Variants in TTLL5 observed in about 807,000 individuals in gnomAD.
TTLL5 encodes tubulin tyrosine ligase like 5.
In TTLL5, 132 loss-of-function variants were observed where a neutral mutation model predicts 168.4. The observed-to-expected ratio is 0.78, with a 90% CI of 0.68 to 0.91. TTLL5 has a LOEUF of 0.91. Ranked by LOEUF, TTLL5 falls within the 40% of genes least tolerant of loss-of-function variation. The pLI is 0.00. For synonymous variants in TTLL5, 546 were observed against 558.6 expected (o/e 0.98, Z 0.32); for missense variants, 1,545 against 1,581.5 (o/e 0.98, Z 0.39).
intron 29 of TTLL5, among the ~76,000 whole-genome samples, chr14:75,869,160 C>T (rs1295362245): frequency 4.0e-5 from 6 of 151,628 alleles, no homozygotes; most frequent in Non-Finnish European, 5.9e-5. Context: ...ATTTTATTTT[C>T]CCACTTGACT....
At chr14:75,819,458 A>G (rs1307963435) in intron 27 of TTLL5, among the ~76,000 whole-genome samples, 2 of 152,162 alleles carry the variant, frequency 1.3e-5, no homozygotes, top group Non-Finnish European at 2.9e-5. Flanking sequence ...TATAATTTAC[A>G]TTTACCAGTA....
chr14:75,942,044 G>A (rs2034624860), intron 31 of TTLL5, among the ~76,000 whole-genome samples: 1 of 151,780 alleles, frequency 6.6e-6, no homozygotes, highest in Admixed American at 6.6e-5. Context: ...AGCCAGGTGT[G>A]TGGTGGCTGG....
intron 24 of TTLL5, among the ~76,000 whole-genome samples, chr14:75,780,499 A>G (rs1047695329): frequency 3.9e-5 from 6 of 152,214 alleles, no homozygotes; most frequent in African/African-American, 1.4e-4. Context: ...TGTTACAAAC[A>G]AAGCTCTGTG....
chr14:75,941,977 C>G (rs1183761895), intron 31 of TTLL5, among the ~76,000 whole-genome samples: 1 of 149,560 alleles, frequency 6.7e-6, no homozygotes, highest in Non-Finnish European at 1.5e-5. Flanking sequence ...GTCAGGAGAT[C>G]AAGACCATCC....
At position 75,833,715 on chromosome 14, in the gene TTLL5, A is replaced by G. The variant is rs77501290; in HGVS notation, c.3326+13554A>G. 2.2e-3 allele frequency among the ~76,000 whole-genome samples: 339 copies of G among 152,338 alleles called. 1 individual carries two copies. The highest frequency in any genetic ancestry group is 7.9e-3 in the African/African-American group (328 of 41,572). ...AGTGGGAATCCATGTAAACATTTCT[A>G]TGTCATCTACCCTTACCCATACCCA... On this transcript the variant is annotated intron_variant, in intron 28 of 31. Coordinates refer to ENST00000298832, the MANE Select transcript of TTLL5 (RefSeq NM_015072.5).
chr14:75,699,638 C>G (rs947335815), intron 7 of TTLL5, among the ~76,000 whole-genome samples: 2 of 152,220 alleles, frequency 1.3e-5, no homozygotes, highest in Non-Finnish European at 2.9e-5. Context: ...ACTGTGGGTT[C>G]TGTTCTCAAG....
At chr14:75,860,780 A>G (rs1240084782) in intron 28 of TTLL5, among the ~76,000 whole-genome samples, 1 of 152,116 alleles carries the variant, frequency 6.6e-6, no homozygotes, top group East Asian at 1.9e-4. Context: ...TAGCTGAGCC[A>G]GTAGCTGTTG....
rs944699803 is a variant in TTLL5 at position 75,783,326 on chromosome 14, A to G, written c.2782A>G (p.Met928Val). ...TCAAATTCCTTCAGCTATCCCCAGC[A>G]TGCCTCACCAGCCAACAATTTTACT... ...LSQIPSAIPS[M>V]PHQPTILLNT... The change falls in exon 26 of 32, where the codon ATG (methionine) becomes GTG (valine). Residue 928 changes from methionine (M) to valine (V), a missense_variant. By Grantham distance (21) the Met-to-Val change is conservative. Coordinates refer to ENST00000298832, the MANE Select transcript of TTLL5 (RefSeq NM_015072.5). 6 of 1,614,060 alleles carry G rather than the reference A, an allele frequency of 3.7e-6. No homozygotes were observed. Among genetic ancestry groups the G allele is most frequent in the South Asian group, 1.1e-5 (1 of 91,076 alleles).
At chr14:75,860,008 C>G (rs1897321223) in intron 28 of TTLL5, among the ~76,000 whole-genome samples, 1 of 152,212 alleles carries the variant, frequency 6.6e-6, no homozygotes, top group Non-Finnish European at 1.5e-5. Context: ...GTAAAAATGC[C>G]TGCCTCTTTG....
intron 6 of TTLL5, among the ~76,000 whole-genome samples, chr14:75,691,058 AT>A (rs1428796458): frequency 6.6e-6 from 1 of 152,178 alleles, no homozygotes; most frequent in African/African-American, 2.4e-5. Flanking sequence ...GGGTAGAGAT[AT>A]CGCATATCTT....
At position 75,782,601 on chromosome 14, in the gene TTLL5, T is replaced by G. The variant is rs200361318; in HGVS notation, c.2602+28T>G. ...GAGTGATTTCAAACCTACCTAGATTTGCTGCTCTCTGATAATTTCCTAAAA... is the reference window on the plus strand; with the variant it reads ...GAGTGATTTCAAACCTACCTAGATTGGCTGCTCTCTGATAATTTCCTAAAA... On this transcript the variant is annotated intron_variant, in intron 25 of 31. Coordinates refer to ENST00000298832, the MANE Select transcript of TTLL5 (RefSeq NM_015072.5). 9 of 1,572,630 alleles carry G rather than the reference T, an allele frequency of 5.7e-6. No individual in the cohort carries two copies. The East Asian group carries it at 1.8e-4, about 31-fold the overall frequency.
chr14:75,918,190 A>ATCATTGG (rs2033687097), intron 31 of TTLL5, among the ~76,000 whole-genome samples: 1 of 152,176 alleles, frequency 6.6e-6, no homozygotes, highest in Admixed American at 6.5e-5. Context: ...AGTTCTAACT[A>ATCATTGG]CCATATCATT....
chr14:75,853,041 G>A (rs192874367), intron 28 of TTLL5, among the ~76,000 whole-genome samples: 12 of 152,252 alleles, frequency 7.9e-5, no homozygotes, highest in African/African-American at 2.2e-4. Context: ...TCTTTACAGA[G>A]CCTCCACTGT....
chr14:75,933,212 C>T (rs925113599), intron 31 of TTLL5, among the ~76,000 whole-genome samples: 5 of 152,186 alleles, frequency 3.3e-5, no homozygotes, highest in South Asian at 4.1e-4. Context: ...AATCCCAGCA[C>T]TTGGGAGGCC....
chr14:75,914,033 A>AAAAAATATATATATATATATATAT, intron 31 of TTLL5, among the ~76,000 whole-genome samples: 7 of 71,088 alleles, frequency 9.8e-5, no homozygotes, highest in Non-Finnish European at 1.2e-4. Flanking sequence ...AAAAAAAAAA[A>AAAAAATATATATATATATATATAT]ATATATATAT....
intron 28 of TTLL5, 83 bp downstream of exon 28, chr14:75,820,244 T>C (rs1326105277): frequency 2.1e-6 from 3 of 1,413,868 alleles, no homozygotes; most frequent in Non-Finnish European, 2.8e-6. Flanking sequence ...CCTTGAGTTC[T>C]GTATGGAGAT....
At chr14:75,716,526 ATTCATGTTGAC>A (rs1355304235) in intron 9 of TTLL5, among the ~76,000 whole-genome samples, 1 of 152,102 alleles carries the variant, frequency 6.6e-6, no homozygotes, top group East Asian at 1.9e-4. Context: ...TGTGGTGAAA[ATTCATGTTGAC>A]TTCATAGTCT....
intron 3 of TTLL5, among the ~76,000 whole-genome samples, chr14:75,677,727 C>G (rs1052399353): frequency 6.6e-6 from 1 of 151,822 alleles, no homozygotes; most frequent in South Asian, 2.1e-4. Context: ...AAGCAGTCCT[C>G]TTACCTCAGC....
intron 30 of TTLL5, among the ~76,000 whole-genome samples, 176 bp downstream of exon 30, chr14:75,883,078 G>A (rs976563038): frequency 6.6e-6 from 1 of 152,200 alleles, no homozygotes; most frequent in Admixed American, 6.5e-5. Flanking sequence ...ATCACCCAGG[G>A]AACTACTGAA....
Sources: allele counts gnomAD v4.1 joint callset (sites outside exome capture counted in the v4.1 genomes callset), GRCh38; gene constraint gnomAD v4.1.1; transcripts MANE v1.5; gene names NCBI Gene and HGNC (gene_info 2026-07-23, HGNC 2026-07-21).